Variants in CACNA1E observed in about 807,000 individuals in gnomAD.
The protein encoded by CACNA1E is calcium voltage-gated channel subunit alpha1 E.
In CACNA1E, 40 loss-of-function variants were observed where a neutral mutation model predicts 259.2. The ratio of observed to expected loss-of-function variants is 0.15; its 90% confidence interval spans 0.12 to 0.20. The LOEUF is 0.20. Among genes scored for constraint, CACNA1E ranks in the 10% least tolerant of loss-of-function variants. The probability of loss-of-function intolerance (pLI) is 1.00; values close to 1 mark genes in which losing one functional copy is unlikely to be tolerated. For missense variants in CACNA1E, 1,874 were observed against 3,040.1 expected (o/e 0.62, Z 9.02); for synonymous variants, 1,104 against 1,138.5 (o/e 0.97, Z 0.61).
chr1:181,473,755 T>A (rs887563539), intron 2 of CACNA1E, among the ~76,000 whole-genome samples: 3 of 152,238 alleles, frequency 2.0e-5, no homozygotes, highest in Non-Finnish European at 4.4e-5. Flanking sequence ...AAATTTCTAT[T>A]AATGATATCA....
intron 14 of CACNA1E, 113 bp from the exon 15 acceptor site, chr1:181,720,669 AG>A (rs2102480700): frequency 2.9e-6 from 2 of 679,218 alleles, no homozygotes; most frequent in East Asian, 2.7e-5. Context: ...AGTAGGGAAG[AG>A]GGGGGTTGTA....
exon 2 of CACNA1E, chr1:181,413,565 G>C (rs1419496741): frequency 1.3e-5 from 2 of 152,516 alleles, no homozygotes; most frequent in African/African-American, 4.8e-5. Context: ...CCGCAGGCCC[G>C]GCGCAAGGAA....
chr1:181,722,770 T>C (rs1272865846), intron 16 of CACNA1E, among the ~76,000 whole-genome samples: 1 of 152,130 alleles, frequency 6.6e-6, no homozygotes, highest in Non-Finnish European at 1.5e-5. Context: ...GGGACGCAGG[T>C]GTATTTTTGC....
chr1:181,349,228 A>G (rs375845293), intron 1 of CACNA1E, among the ~76,000 whole-genome samples: 43 of 152,264 alleles, frequency 2.8e-4, no homozygotes, highest in African/African-American at 9.9e-4. Context: ...TTGGGTGGGG[A>G]CAGAAACACA....
At chr1:181,340,236 A>G (rs954072786) in intron 1 of CACNA1E, among the ~76,000 whole-genome samples, 1 of 151,972 alleles carries the variant, frequency 6.6e-6, no homozygotes, top group African/African-American at 2.4e-5. Context: ...CAGTGATCTC[A>G]AATTTAATAT....
chr1:181,661,310 C>G (rs1352171193), intron 7 of CACNA1E, among the ~76,000 whole-genome samples: 1 of 152,168 alleles, frequency 6.6e-6, no homozygotes, highest in African/African-American at 2.4e-5. Flanking sequence ...CAGAGAGGAG[C>G]AGCAGTTCAG....
intron 7 of CACNA1E, among the ~76,000 whole-genome samples, chr1:181,689,776 C>A (rs1650953913): frequency 6.6e-6 from 1 of 152,034 alleles, no homozygotes; most frequent in Admixed American, 6.5e-5. Context: ...TAAATGTCTT[C>A]TTTTGAGAAG....
At chr1:181,724,976 A>G (rs1294826755) in intron 17 of CACNA1E, among the ~76,000 whole-genome samples, 6 of 152,188 alleles carry the variant, frequency 3.9e-5, no homozygotes, top group African/African-American at 1.4e-4. Flanking sequence ...GGCTGTTGGG[A>G]TATTCCAGTA....
At chr1:181,355,502 C>T (rs1421648032) in intron 1 of CACNA1E, among the ~76,000 whole-genome samples, 1 of 152,090 alleles carries the variant, frequency 6.6e-6, no homozygotes, top group African/African-American at 2.4e-5. Flanking sequence ...GCAGGAGAAT[C>T]ACTTGAACCC....
chr1:181,400,559 C>A (rs931349927), intron 1 of CACNA1E, among the ~76,000 whole-genome samples: 6 of 152,144 alleles, frequency 3.9e-5, no homozygotes, highest in Admixed American at 1.3e-4. Flanking sequence ...ATACATGAAC[C>A]CTGTCTCCTC....
chr1:181,390,536 G>A (rs976064143), intron 1 of CACNA1E, among the ~76,000 whole-genome samples: 7 of 152,126 alleles, frequency 4.6e-5, no homozygotes, highest in Non-Finnish European at 8.8e-5. Flanking sequence ...ACAGCTGCCC[G>A]TAAGTAGGAG....
At chr1:181,372,489 C>A (rs939979163) in intron 1 of CACNA1E, among the ~76,000 whole-genome samples, 3 of 152,060 alleles carry the variant, frequency 2.0e-5, no homozygotes, top group African/African-American at 4.8e-5. Context: ...AGTTTTAGGA[C>A]CTTTTAGGCA....
chr1:181,682,303 T>C (rs1032597949), intron 7 of CACNA1E, among the ~76,000 whole-genome samples: 3 of 152,150 alleles, frequency 2.0e-5, no homozygotes, highest in Admixed American at 1.3e-4. Context: ...TTTAAGTACA[T>C]TTAGGACTTG....
intron 3 of CACNA1E, among the ~76,000 whole-genome samples, chr1:181,545,242 GT>G (rs1266597531): frequency 6.6e-6 from 1 of 152,262 alleles, no homozygotes; most frequent in African/African-American, 2.4e-5. Flanking sequence ...AAATGTCTAG[GT>G]TTTTTAAAAC....
chr1:181,321,568 T>C (rs915192516), intron 1 of CACNA1E, among the ~76,000 whole-genome samples: 1 of 152,202 alleles, frequency 6.6e-6, no homozygotes, highest in African/African-American at 2.4e-5. Flanking sequence ...TGTAGACTAG[T>C]AGGGGAACCA....
intron 7 of CACNA1E, among the ~76,000 whole-genome samples, chr1:181,708,055 AG>A (rs1271428221): frequency 1.3e-5 from 2 of 152,208 alleles, no homozygotes; most frequent in African/African-American, 4.8e-5. Flanking sequence ...ATTTTGACTC[AG>A]GCAGATAAGC....
intron 6 of CACNA1E, among the ~76,000 whole-genome samples, chr1:181,616,294 A>G (rs1032157283): frequency 1.3e-5 from 2 of 152,016 alleles, no homozygotes; most frequent in African/African-American, 4.8e-5. Context: ...GAGTTCACCC[A>G]TGGAGATATC....
Position 181,721,745 on chromosome 1 carries a change from T to G in CACNA1E, c.1957-13T>G. On this transcript the variant is annotated splice_polypyrimidine_tract_variant and intron_variant, in intron 15 of 47. Transcript: ENST00000367573. ...CCCAGGTTTCTGATGCGCCTGTCAT[T>G]TGCTTTTTGTAGATCCTGACGGGTG... 6.4e-7 allele frequency: 1 copy of G among 1,572,020 alleles called. No individual in the cohort carries two copies. The highest frequency in any genetic ancestry group is 8.8e-7 in the Non-Finnish European group (1 of 1,142,368).
chr1:181,652,650 G>A (rs1658862661), intron 7 of CACNA1E, among the ~76,000 whole-genome samples: 1 of 152,144 alleles, frequency 6.6e-6, no homozygotes, highest in African/African-American at 2.4e-5. Flanking sequence ...CTGAGAGCTG[G>A]GGTAGGCGTG....
Sources: gnomAD v4.1 joint callset for allele counts (sites outside exome capture counted in the v4.1 genomes callset) on GRCh38, gnomAD v4.1.1 for gene constraint, MANE v1.5 for transcripts, NCBI Gene and HGNC (gene_info 2026-07-23, HGNC 2026-07-21) for gene names.